The following UBAP1 variants were observed in gnomAD, a reference collection of about 807,000 sequenced individuals.
UBAP1 encodes ubiquitin-associated protein 1.
In UBAP1, 5 loss-of-function variants were observed where a neutral mutation model predicts 39.0. The ratio of observed to expected loss-of-function variants is 0.13; its 90% CI spans 0.07 to 0.27. The LOEUF (loss-of-function observed/expected upper bound fraction) is 0.27, where lower values mean the gene tolerates loss of function less well. UBAP1 is among the 10% of genes least tolerant of loss of function. The probability of loss-of-function intolerance (pLI) is 1.00; values close to 1 mark genes in which losing one functional copy is unlikely to be tolerated. For missense variants in UBAP1, 490 were observed against 608.1 expected (o/e 0.81, Z 2.04); for synonymous variants, 211 against 225.1 (o/e 0.94, Z 0.56).
chr9:34,216,482 T>C (rs10758247), intron 1 of UBAP1, among the ~76,000 whole-genome samples: 22,520 of 151,832 alleles, frequency 0.15, 2,069 homozygotes, highest in South Asian at 0.31. Flanking sequence ...TTTTATGTCT[T>C]CTTTTTTTTA....
chr9:34,236,039 T>C (rs1007903812), intron 3 of UBAP1, among the ~76,000 whole-genome samples: 1 of 152,068 alleles, frequency 6.6e-6, no homozygotes, highest in African/African-American at 2.4e-5. Context: ...TTTGTATTTT[T>C]AGTGGAGTCA....
chr9:34,218,694 G>A (rs1432665576), intron 1 of UBAP1, among the ~76,000 whole-genome samples: 1 of 152,150 alleles, frequency 6.6e-6, no homozygotes, highest in Non-Finnish European at 1.5e-5. Context: ...AGCACTTTGG[G>A]AGGCTGGGGT....
intron 1 of UBAP1, among the ~76,000 whole-genome samples, chr9:34,217,139 A>G (rs1489306865): frequency 6.6e-6 from 1 of 152,148 alleles, no homozygotes; most frequent in Non-Finnish European, 1.5e-5. Context: ...GATTCTCCAC[A>G]GTCAGAAGTT....
At chr9:34,243,023 A>G (rs868602833) in intron 4 of UBAP1, among the ~76,000 whole-genome samples, 10 of 152,154 alleles carry the variant, frequency 6.6e-5, no homozygotes, top group East Asian at 1.9e-4. Flanking sequence ...GAATGCTTCT[A>G]TTGTCAGAGA....
chr9:34,185,577 G>GACA (rs1181224327), intron 1 of UBAP1, among the ~76,000 whole-genome samples: 2 of 151,392 alleles, frequency 1.3e-5, no homozygotes, highest in Non-Finnish European at 2.9e-5. Flanking sequence ...CGGGTGCTGT[G>GACA]GGTCATGCCT....
At chr9:34,240,548 T>C (rs373250983) in intron 3 of UBAP1, among the ~76,000 whole-genome samples, 7 of 152,362 alleles carry the variant, frequency 4.6e-5, no homozygotes, top group African/African-American at 9.6e-5. Flanking sequence ...AATTGAGCTA[T>C]ACTTAAGATA....
intron 4 of UBAP1, among the ~76,000 whole-genome samples, chr9:34,247,763 G>A (rs550134559): frequency 5.9e-5 from 9 of 152,162 alleles, no homozygotes; most frequent in East Asian, 3.9e-4. Context: ...ATTAACAGTC[G>A]TATGTTCATT....
At chr9:34,247,447 C>G (rs115145545) in intron 4 of UBAP1, among the ~76,000 whole-genome samples, 8 of 151,808 alleles carry the variant, frequency 5.3e-5, no homozygotes, top group South Asian at 2.1e-4. Context: ...TATTTAGAGA[C>G]GGTGTCTCGC....
chr9:34,247,644 G>C (rs1834246797), intron 4 of UBAP1, among the ~76,000 whole-genome samples: 1 of 152,002 alleles, frequency 6.6e-6, no homozygotes, highest in African/African-American at 2.4e-5. Flanking sequence ...GGCTGGTCTT[G>C]AACTCCCGAC....
chr9:34,196,316 AT>A (rs67508118), intron 1 of UBAP1, among the ~76,000 whole-genome samples: 130,488 of 135,634 alleles, frequency 0.96, 62,841 homozygotes, highest in South Asian at 0.99. Flanking sequence ...ATTAAAAACA[AT>A]TTTTTTTTTT....
chr9:34,215,099 A>C (rs1832224871), intron 1 of UBAP1, among the ~76,000 whole-genome samples: 1 of 152,216 alleles, frequency 6.6e-6, no homozygotes, highest in African/African-American at 2.4e-5. Flanking sequence ...TAGAACTACC[A>C]TTTGATCCAG....
intron 1 of UBAP1, among the ~76,000 whole-genome samples, chr9:34,214,794 C>A (rs552006755): frequency 6.6e-6 from 1 of 152,066 alleles, no homozygotes; most frequent in East Asian, 1.9e-4. Flanking sequence ...AAGAAAAAAA[C>A]AATCCCATCA....
chr9:34,227,690 C>CACAACCGCAGCCATG, intron 2 of UBAP1, among the ~76,000 whole-genome samples: 1 of 152,148 alleles, frequency 6.6e-6, no homozygotes, highest in Non-Finnish European at 1.5e-5. Flanking sequence ...AAGGAACTGC[C>CACAACCGCAGCCATG]ACAACCGCAG....
intron 2 of UBAP1, 85 bp from the exon 3 acceptor site, chr9:34,234,131 A>T: frequency 1.5e-6 from 2 of 1,373,112 alleles, no homozygotes; most frequent in African/African-American, 1.5e-5. Flanking sequence ...AGCAAAAATT[A>T]ATGCATATCC....
intron 1 of UBAP1, among the ~76,000 whole-genome samples, chr9:34,217,716 G>C (rs899164767): frequency 6.9e-6 from 1 of 145,776 alleles, no homozygotes; most frequent in African/African-American, 2.5e-5. Context: ...TTCTGTGTCT[G>C]GCTTGTTTCA....
At chr9:34,233,029 T>C (rs965672220) in intron 2 of UBAP1, among the ~76,000 whole-genome samples, 1 of 152,244 alleles carries the variant, frequency 6.6e-6, no homozygotes, top group African/African-American at 2.4e-5. Flanking sequence ...TTCCATGTTG[T>C]TCAGTTATGA....
intron 1 of UBAP1, among the ~76,000 whole-genome samples, chr9:34,214,517 G>A (rs1368447012): frequency 6.6e-6 from 1 of 152,066 alleles, no homozygotes; most frequent in Non-Finnish European, 1.5e-5. Context: ...AGGACTTAAC[G>A]ACCTGAAGCT....
At chr9:34,186,469 G>A (rs921740283) in intron 1 of UBAP1, among the ~76,000 whole-genome samples, 2 of 152,074 alleles carry the variant, frequency 1.3e-5, no homozygotes, top group Admixed American at 6.6e-5. Flanking sequence ...TAATCTTGTG[G>A]TTACTGAGTC....
chr9:34,232,067 T>C (rs897778354), intron 2 of UBAP1, among the ~76,000 whole-genome samples: 1 of 152,062 alleles, frequency 6.6e-6, no homozygotes. Flanking sequence ...TTCTTGAGGC[T>C]CACTGCACCT....
Sources: gnomAD v4.1 joint callset for allele counts (sites outside exome capture counted in the v4.1 genomes callset) on GRCh38, gnomAD v4.1.1 for gene constraint, MANE v1.5 for transcripts, NCBI Gene and HGNC (gene_info 2026-07-23, HGNC 2026-07-21) for gene names.